The following ABCC5 variants were observed in gnomAD, a reference collection of about 807,000 sequenced individuals.
ABCC5 encodes ATP-binding cassette sub-family C member 5.
In ABCC5, 61 loss-of-function variants were observed where a neutral mutation model predicts 160.9. The ratio of observed to expected loss-of-function variants is 0.38; its 90% confidence interval spans 0.31 to 0.47. The LOEUF (loss-of-function observed/expected upper bound fraction) is 0.47. Among genes scored for constraint, ABCC5 ranks in the 20% least tolerant of loss-of-function variants. The pLI is 0.99. For synonymous variants in ABCC5, 666 were observed against 700.6 expected (o/e 0.95, Z 0.78); for missense variants, 1,308 against 1,813.3 (o/e 0.72, Z 5.06).
chr3:183,944,271 G>A (rs947588339), intron 24 of ABCC5, among the ~76,000 whole-genome samples: 1 of 152,104 alleles, frequency 6.6e-6, no homozygotes, highest in African/African-American at 2.4e-5. Context: ...GCGCATGCCT[G>A]TAGTCCCAGT....
rs936789276 is a variant in ABCC5, at chr3:183,988,864, G to A, written c.288-137C>T. The A allele has an allele frequency of 1.8e-6, 2 of 1,100,530 alleles. No individual in the cohort carries two copies. Among genetic ancestry groups the A allele is most frequent in the Non-Finnish European group, 2.5e-6 (2 of 791,138 alleles). The allele number at this position is 1,100,530 out of a possible 1,614,324, so 68.2% of individuals were successfully genotyped here. On this transcript the variant is annotated intron_variant, in intron 3 of 29. Transcript: ENST00000334444. The surrounding 1 kb of genome is among the most constrained non-coding windows in gnomAD (Gnocchi z 4.4). ...CAGATGATCTAATCTTAGCCTGAAT[G>A]TTCTAAAACGGCTTTGATGGGCCGG... is the stretch of plus-strand genomic sequence containing the variant.
chr3:183,960,394 C>T (rs555543677), intron 16 of ABCC5, among the ~76,000 whole-genome samples: 16 of 152,310 alleles, frequency 1.1e-4, no homozygotes, highest in Non-Finnish European at 2.1e-4. Flanking sequence ...CTCGTTCCTC[C>T]ACTTGGAATG....
intron 1 of ABCC5, among the ~76,000 whole-genome samples, chr3:184,015,805 A>G (rs1722144665): frequency 6.6e-6 from 1 of 152,214 alleles, no homozygotes; most frequent in Non-Finnish European, 1.5e-5. Context: ...TAAACTATAA[A>G]CAGACCTGGC....
At chr3:183,983,347 A>G (rs1718911159) in intron 5 of ABCC5, 3 of 310,586 alleles carry the variant, frequency 9.7e-6, no homozygotes, top group South Asian at 9.8e-5. Flanking sequence ...ATCTCCACAC[A>G]TGGATACATT....
chr3:183,938,463 T>C (rs1290621253), intron 25 of ABCC5, among the ~76,000 whole-genome samples: 1 of 152,166 alleles, frequency 6.6e-6, no homozygotes. Context: ...CATGCCCAGA[T>C]AATTTTTGTA....
At chr3:183,991,311 A>T (rs1262683378) in intron 2 of ABCC5, among the ~76,000 whole-genome samples, 2 of 151,702 alleles carry the variant, frequency 1.3e-5, no homozygotes, top group East Asian at 3.9e-4. Context: ...AGAAGGAAAA[A>T]AAAAACAAAA....
chr3:183,950,209 A>C lies in ABCC5; in HGVS notation c.2945-84T>G, dbSNP rs1715216255. On this transcript the variant is annotated intron_variant, in intron 20 of 29. Transcript: ENST00000334444. Reference sequence around the variant, plus strand: ...TGAAAAAAACAAAAAGGGGTTCCACAAACTCTCTATCTGAAGTTTGTGATG... The same window carrying C: ...TGAAAAAAACAAAAAGGGGTTCCACCAACTCTCTATCTGAAGTTTGTGATG... 13 of 1,431,190 alleles carry C rather than the reference A, an allele frequency of 9.1e-6. No individual in the cohort carries two copies. The South Asian group carries it at 1.8e-4, about 19-fold the overall frequency. 88.7% of individuals were successfully genotyped at this position (1,431,190 alleles called of 1,614,324 possible). A position where few individuals can be genotyped will look rare whatever the true frequency, so the allele number is the denominator to read the frequency against.
At position 183,925,606 on chromosome 3, in the gene ABCC5, G is replaced by A. The variant is rs373986459; in HGVS notation, c.4161C>T (p.Arg1387=). 26 of 1,613,872 alleles carry A rather than the reference G, an allele frequency of 1.6e-5. No homozygotes were observed. Among genetic ancestry groups the A allele is most frequent in the South Asian group, 1.1e-4 (10 of 91,064 alleles). ...ADCTMLTIAH[R]LHTVLGSDRI... is the part of the protein sequence containing the mutation. ...TATCGGAGCCTAGAACCGTGTGCAG[G>A]CGATGGGCAATGGTCAGCATGGTAC... Residue 1387 remains arginine, a synonymous_variant, in exon 29 of 30, where the codon CGC becomes CGT. Transcript: ENST00000334444.
chr3:183,952,976 C>T, intron 18 of ABCC5, 110 bp downstream of exon 18: 10 of 1,257,290 alleles, frequency 8.0e-6, no homozygotes, highest in East Asian at 2.3e-5. Flanking sequence ...TCTCTCTTTA[C>T]AGCTTCTTTT....
chr3:183,988,633 G>A lies in ABCC5; in HGVS notation c.382C>T (p.Leu128Phe). 1 of 1,614,238 alleles carries A rather than the reference G, an allele frequency of 6.2e-7. No homozygotes were observed. The highest frequency in any genetic ancestry group is 8.5e-7 in the Non-Finnish European group (1 of 1,180,038). ...AGAGACCACACGTCTTCCATTGAGA[G>A]CTCCCCCTTCTTGTGGGCCACACGG... ...LARVAHKKGE[L>F]SMEDVWSLSK... Residue 128 changes from leucine to phenylalanine, a missense_variant, in exon 4 of 30, where the codon CTC (leucine) becomes TTC (phenylalanine). By Grantham distance (22) the Leu-to-Phe change is conservative. Around this residue, in one of 3 missense-constraint regions of ABCC5, gnomAD observed 1,142 missense variants for 1,527.1 expected, o/e 0.75. Transcript: ENST00000334444. This position sits in a 1 kb window ranked among gnomAD's most constrained non-coding sequence, Gnocchi z 4.4.
In ABCC5 at chr3:183,972,925, C is replaced by T. The variant is rs1237299462; in HGVS notation, c.1405-1006G>A. 6.0e-5 allele frequency among the ~76,000 whole-genome samples: 9 copies of T among 150,952 alleles called. No homozygotes were observed. In the South Asian group the frequency reaches 1.1e-3, roughly 18 times the overall value. On this transcript the variant is annotated intron_variant, in intron 10 of 29. Transcript: ENST00000334444. Reference sequence around the variant, plus strand: ...CCTCCCAAAGTGCTGGGATTACAGGCGTGAGCCACCGCACCCAGCTGAAGA... The same window carrying T: ...CCTCCCAAAGTGCTGGGATTACAGGTGTGAGCCACCGCACCCAGCTGAAGA...
rs1715553152 is a variant in ABCC5, at chr3:183,953,262, C to T, written c.2491G>A (p.Val831Met). The change falls in exon 18 of 30, where the codon GTG (valine) becomes ATG (methionine). Residue 831 changes from valine (V) to methionine (M), a missense_variant. Around this residue, in one of 3 missense-constraint regions of ABCC5, gnomAD observed 1,142 missense variants for 1,527.1 expected, o/e 0.75. Transcript: ENST00000334444. ...KAVKPEEGQL[V>M]QLEEKGQGSV... ...CCCTGCCCTTTCTCTTCCAGCTGCA[C>T]AAGCTGCCCTAGGTAAGAAAAAAAG... 3 of 1,607,614 alleles carry T rather than the reference C, an allele frequency of 1.9e-6. No individual in the cohort carries two copies. Among genetic ancestry groups the T allele is most frequent in the South Asian group, 1.1e-5 (1 of 90,338 alleles).
At chr3:184,014,563 A>G (rs1295723632) in intron 1 of ABCC5, 116 bp from the exon 2 acceptor site, 1 of 511,404 alleles carries the variant, frequency 2.0e-6, no homozygotes, top group Admixed American at 4.4e-5. Flanking sequence ...AAAGCTTTCT[A>G]CTGTTATAGC....
intron 2 of ABCC5, among the ~76,000 whole-genome samples, chr3:183,997,328 A>G (rs1345924007): frequency 1.3e-5 from 2 of 152,244 alleles, no homozygotes; most frequent in Non-Finnish European, 2.9e-5. Flanking sequence ...TCTACCACAT[A>G]GGGATGAGAG....
chr3:183,923,364 T>C (rs756999120), intron 29 of ABCC5, among the ~76,000 whole-genome samples: 1 of 152,174 alleles, frequency 6.6e-6, no homozygotes, highest in Admixed American at 6.6e-5. Context: ...AGCTTGTGCC[T>C]GTAATCCCAG....
intron 2 of ABCC5, among the ~76,000 whole-genome samples, chr3:184,011,574 T>A (rs753225403): frequency 2.0e-5 from 3 of 152,194 alleles, no homozygotes; most frequent in Admixed American, 6.5e-5. Context: ...TAAAAGCTTA[T>A]GTTCACACAA....
intron 25 of ABCC5, among the ~76,000 whole-genome samples, chr3:183,942,185 A>AT (rs1402294865): frequency 2.6e-5 from 4 of 151,912 alleles, no homozygotes; most frequent in Non-Finnish European, 4.4e-5. Flanking sequence ...GATTACAAGC[A>AT]TGTGCCACCA....
At chr3:183,950,159 G>T in intron 20 of ABCC5, 34 bp from the exon 21 acceptor site, 1 of 1,572,678 alleles carries the variant, frequency 6.4e-7, no homozygotes, top group South Asian at 1.2e-5. Context: ...AGTGTCAGAT[G>T]GTTTGGAAAA....
intron 2 of ABCC5, among the ~76,000 whole-genome samples, chr3:183,989,836 C>G (rs7635948): frequency 0.62 from 93,756 of 151,876 alleles, 29,697 homozygotes; most frequent in East Asian, 0.85. Context: ...ATAGAGTCTC[C>G]CTCTGTCACC....
Sources: allele counts gnomAD v4.1 joint callset (sites outside exome capture counted in the v4.1 genomes callset), GRCh38; gene constraint gnomAD v4.1.1; regional missense constraint gnomAD v4.1.1; non-coding constraint Gnocchi (gnomAD v3.1); transcripts MANE v1.5; gene names NCBI Gene and HGNC (gene_info 2026-07-23, HGNC 2026-07-21).